The following ACER2 variants were observed in gnomAD, a reference collection of about 807,000 sequenced individuals.
ACER2 encodes alkCDase 2.
Under a neutral mutation model 34.7 loss-of-function variants are expected in ACER2, and 26 were observed. That is an observed-to-expected ratio of 0.75 (90% CI 0.55 to 1.04). ACER2 has a LOEUF of 1.04. Among genes scored for constraint, ACER2 ranks in the 50% least tolerant of loss-of-function variants. The probability of loss-of-function intolerance (pLI) is 0.00; values close to 1 mark genes in which losing one functional copy is unlikely to be tolerated. For missense variants in ACER2, 352 were observed against 340.8 expected, an observed-to-expected ratio of 1.03 and a Z score of -0.26; for synonymous variants, 138 against 132.1, an observed-to-expected ratio of 1.04 and a Z score of -0.31.
At chr9:19,422,725 C>G (rs1424010082) in intron 1 of ACER2, among the ~76,000 whole-genome samples, 1 of 150,878 alleles carries the variant, frequency 6.6e-6, no homozygotes, top group East Asian at 1.9e-4. Context: ...TTAATACAGA[C>G]CTTATCTTTA....
chr9:19,423,488 G>T (rs1161566178), intron 1 of ACER2, among the ~76,000 whole-genome samples: 1 of 152,162 alleles, frequency 6.6e-6, no homozygotes, highest in African/African-American at 2.4e-5. Context: ...ATCACCTGAG[G>T]TTGGGAGTTC....
At chr9:19,431,757 C>T (rs1325111107) in intron 3 of ACER2, among the ~76,000 whole-genome samples, 1 of 152,212 alleles carries the variant, frequency 6.6e-6, no homozygotes, top group Non-Finnish European at 1.5e-5. Flanking sequence ...CCTGTTCATT[C>T]CAGTCTGAAA....
chr9:19,446,426 C>A lies in ACER2; in HGVS notation c.641+8C>A, dbSNP rs1367529749. 6.2e-7 allele frequency: 1 copy of A among 1,613,992 alleles called. No homozygotes were observed. Reference sequence around the variant, plus strand: ...CTACCTGCACTGCATGTGGTAAGCCCCTGCTAATGGGGAGGTGGCCGGGGA... The same window carrying A: ...CTACCTGCACTGCATGTGGTAAGCCACTGCTAATGGGGAGGTGGCCGGGGA... On this transcript the variant is annotated splice_region_variant and intron_variant, in intron 5 of 5. Coordinates refer to ENST00000340967, the MANE Select transcript of ACER2 (RefSeq NM_001010887.3).
intron 3 of ACER2, among the ~76,000 whole-genome samples, chr9:19,432,371 A>T (rs543960758): frequency 1.3e-5 from 2 of 152,196 alleles, no homozygotes; most frequent in African/African-American, 4.8e-5. Flanking sequence ...TTACTTATGA[A>T]AGTTATACAT....
intron 5 of ACER2, among the ~76,000 whole-genome samples, chr9:19,447,189 G>A (rs1831401187): frequency 6.6e-6 from 1 of 152,178 alleles, no homozygotes; most frequent in Non-Finnish European, 1.5e-5. Context: ...TCACAAGGAG[G>A]AGAAATCTGC....
At position 19,418,953 on chromosome 9, in the gene ACER2, G is replaced by A. The variant is rs146404311; in HGVS notation, c.109-4909G>A. On this transcript the variant is annotated intron_variant, in intron 1 of 5. Transcript: ENST00000340967. ...TGTAATCCCAGCACTTTGGGAGGCC[G>A]AGGAGGGTGGATCACCTGAGGTCAG... is the stretch of plus-strand genomic sequence containing the variant. Among the ~76,000 whole-genome samples, 1,479 of 152,266 alleles carry A rather than the reference G, an allele frequency of 9.7e-3. 26 individuals are homozygous for A. The highest frequency in any genetic ancestry group is 0.034 in the African/African-American group (1,402 of 41,552).
At chr9:19,438,281 T>G (rs10811184) in intron 4 of ACER2, among the ~76,000 whole-genome samples, 53,043 of 152,156 alleles carry the variant, frequency 0.35, 9,710 homozygotes, top group African/African-American at 0.41. Context: ...ACATGGTAGA[T>G]CTCAGCAAAT....
intron 3 of ACER2, among the ~76,000 whole-genome samples, chr9:19,426,304 T>C (rs536727959): frequency 6.7e-6 from 1 of 149,284 alleles, no homozygotes; most frequent in African/African-American, 2.5e-5. Context: ...CTGTCTTTCT[T>C]TCTCTTTCTT....
chr9:19,423,112 G>A (rs969549090), intron 1 of ACER2, among the ~76,000 whole-genome samples: 1 of 151,976 alleles, frequency 6.6e-6, no homozygotes, highest in Non-Finnish European at 1.5e-5. Context: ...GGCTGTGGTG[G>A]GAGGATCACT....
intron 5 of ACER2, among the ~76,000 whole-genome samples, chr9:19,448,451 ATTTAT>A (rs1831448061): frequency 1.3e-5 from 2 of 152,036 alleles, no homozygotes; most frequent in Admixed American, 6.5e-5. Flanking sequence ...ACACTTTATA[ATTTAT>A]TTAACCAACC....
At chr9:19,412,525 G>A (rs553706691) in intron 1 of ACER2, among the ~76,000 whole-genome samples, 13 of 151,908 alleles carry the variant, frequency 8.6e-5, no homozygotes, top group Non-Finnish European at 1.0e-4. Context: ...GTGGTGGTGC[G>A]TGCCTGTAAG....
rs1428166966 is a variant in ACER2 at position 19,409,098 on chromosome 9, A to C, written c.14A>C (p.His5Pro). 3 of 1,595,792 alleles carry C rather than the reference A, an allele frequency of 1.9e-6. No homozygotes were observed. The highest frequency in any genetic ancestry group is 1.7e-6 in the Non-Finnish European group (2 of 1,172,002). The change falls in exon 1 of 6, where the codon CAC becomes CCC. Residue 5 changes from histidine to proline, a missense_variant. Transcript: ENST00000340967. MGAP[H>P]WWDQLQAGSS... ...CCCGGAGTGGCCATGGGCGCCCCGC[A>C]CTGGTGGGACCAGCTGCAGGCTGGT...
intron 3 of ACER2, among the ~76,000 whole-genome samples, chr9:19,426,504 G>A (rs986018364): frequency 6.6e-6 from 1 of 151,722 alleles, no homozygotes; most frequent in Admixed American, 6.6e-5. Flanking sequence ...TAGATTGAGA[G>A]CTGAGGAATC....
chr9:19,421,612 G>A (rs1311427516), intron 1 of ACER2, among the ~76,000 whole-genome samples: 2 of 152,116 alleles, frequency 1.3e-5, no homozygotes, highest in African/African-American at 4.8e-5. Context: ...AATGAGGAGT[G>A]ACTGCTTAAT....
chr9:19,416,496 A>G (rs1310044184), intron 1 of ACER2, among the ~76,000 whole-genome samples: 2 of 152,054 alleles, frequency 1.3e-5, no homozygotes, highest in South Asian at 2.1e-4. Flanking sequence ...CCCTTTGTAA[A>G]ACAAGGGATG....
Position 19,435,178 on chromosome 9 carries a change from T to A in ACER2, c.503+94T>A, listed in dbSNP as rs982633673. 22 of 1,448,064 alleles carry A rather than the reference T, an allele frequency of 1.5e-5. No homozygotes were observed. In the African/African-American group the frequency reaches 2.7e-4, roughly 18 times the overall value. 89.7% of individuals were successfully genotyped at this position (1,448,064 alleles called of 1,614,324 possible). A position where few individuals can be genotyped will look rare whatever the true frequency, so the allele number is the denominator to read the frequency against. On this transcript the variant is annotated intron_variant, in intron 4 of 5. Transcript: ENST00000340967. ...TTGCTGTCCTGTAGCAGAAGAGGAG[T>A]TTTATTCCTTGTGAAGAGTTAGTTG...
At chr9:19,418,163 G>T (rs1487663395) in intron 1 of ACER2, among the ~76,000 whole-genome samples, 1 of 152,194 alleles carries the variant, frequency 6.6e-6, no homozygotes, top group East Asian at 1.9e-4. Context: ...TCTCATGCCA[G>T]TTAGAATGGC....
intron 1 of ACER2, among the ~76,000 whole-genome samples, chr9:19,414,548 T>C (rs2132457439): frequency 6.6e-6 from 1 of 152,274 alleles, no homozygotes; most frequent in African/African-American, 2.4e-5. Context: ...TTTAGGAGGC[T>C]GAGGCTGGCA....
intron 4 of ACER2, among the ~76,000 whole-genome samples, chr9:19,442,037 T>C (rs935546210): frequency 2.0e-5 from 3 of 152,198 alleles, no homozygotes; most frequent in African/African-American, 4.8e-5. Flanking sequence ...TTAACCAGCT[T>C]CCTGAGAAGT....
Sources: allele counts gnomAD v4.1 joint callset (sites outside exome capture counted in the v4.1 genomes callset), GRCh38; gene constraint gnomAD v4.1.1; transcripts MANE v1.5; gene names NCBI Gene and HGNC (gene_info 2026-07-23, HGNC 2026-07-21).